The following PIK3R2 variants were observed in gnomAD, a reference collection of about 807,000 sequenced individuals.
PIK3R2 encodes the protein phosphoinositide-3-kinase regulatory subunit 2, also known as phosphatidylinositol 3-kinase regulatory subunit beta.
A neutral mutation model predicts 78.5 loss-of-function variants in PIK3R2; 40 were observed. That is an observed-to-expected ratio of 0.51 (90% CI 0.40 to 0.66). The LOEUF (loss-of-function observed/expected upper bound fraction) is 0.66. Ranked by LOEUF, PIK3R2 falls within the 30% of genes least tolerant of loss-of-function variation. PIK3R2 has a pLI of 0.00. For synonymous variants in PIK3R2, 473 were observed against 457.7 expected (o/e 1.03, Z -0.43); for missense variants, 880 against 1,026.6 (o/e 0.86, Z 1.95).
chr19:18,154,347 C>T (rs2043655634), intron 1 of PIK3R2, among the ~76,000 whole-genome samples: 2 of 152,248 alleles, frequency 1.3e-5, no homozygotes, highest in South Asian at 4.2e-4. Flanking sequence ...CCACCTTCTC[C>T]TGGCTCCCTG....
intron 3 of PIK3R2, 64 bp from the exon 4 acceptor site, chr19:18,160,855 G>A: frequency 6.4e-7 from 1 of 1,552,492 alleles, no homozygotes; most frequent in Non-Finnish European, 8.7e-7. Context: ...TGAGCGGCCA[G>A]TCCAGGCCTC....
rs2147952776 is a variant in PIK3R2 at position 18,162,964 on chromosome 19, C to T, written c.1110-3C>T. The stretch of plus-strand genomic sequence containing the variant: ...GGGTGCCGACACCCCTCTCCTCCCC[C>T]AGGAAAGGCGGGAACAATAAGCTGA... On this transcript the variant is annotated splice_region_variant and splice_polypyrimidine_tract_variant and intron_variant, in intron 9 of 15. Coordinates refer to ENST00000222254, the MANE Select transcript of PIK3R2 (RefSeq NM_005027.4). 1 of 1,612,640 alleles carries T rather than the reference C, an allele frequency of 6.2e-7. No homozygotes were observed. Among genetic ancestry groups the T allele is most frequent in the Middle Eastern group, 1.7e-4 (1 of 6,028 alleles).
rs1480617202 is a variant in PIK3R2 at position 18,168,388 on chromosome 19, G to A, written c.1737-87G>A. The A allele has an allele frequency of 1.4e-6, 1 of 725,596 alleles. No homozygotes were observed. Among genetic ancestry groups the A allele is most frequent in the African/African-American group, 1.7e-5 (1 of 57,902 alleles). 44.9% of individuals were successfully genotyped at this position (725,596 alleles called of 1,614,324 possible). Reference sequence around the variant, plus strand: ...TTGTACCCAGAACCCTCTCTCCTCAGCCAGACCCTGCCTCCCACCGGACAG... The same window carrying A: ...TTGTACCCAGAACCCTCTCTCCTCAACCAGACCCTGCCTCCCACCGGACAG... On this transcript the variant is annotated intron_variant, in intron 13 of 15. Coordinates refer to ENST00000222254, the MANE Select transcript of PIK3R2 (RefSeq NM_005027.4). This position sits in a 1 kb window ranked among gnomAD's most constrained non-coding sequence, Gnocchi z 4.1.
At position 18,162,202 on chromosome 19, in the gene PIK3R2, C is replaced by A; in HGVS notation, c.902C>A (p.Ala301Glu). ...HLEEQEVAPP[A>E]LPPKPPKAKP... is the part of the protein sequence containing the mutation. ...ATGCATTTGTTTTCCTGTCCCCCAG[C>A]GCTGCCGCCTAAACCCCCCAAGGCA... is the stretch of plus-strand genomic sequence containing the variant. The change falls in exon 8 of 16, where the codon GCG becomes GAG. Residue 301 changes from alanine (A) to glutamate (E), a missense_variant and splice_region_variant. By Grantham distance (107) the Ala-to-Glu change is moderately radical (BLOSUM62 -1). Transcript: ENST00000222254. The A allele has an allele frequency of 6.5e-7, 1 of 1,545,356 alleles. No homozygotes were observed. The highest frequency in any genetic ancestry group is 8.9e-7 in the Non-Finnish European group (1 of 1,120,284).
At chr19:18,165,423 A>G (rs2043799793) in intron 11 of PIK3R2, among the ~76,000 whole-genome samples, 2 of 151,456 alleles carry the variant, frequency 1.3e-5, no homozygotes, top group African/African-American at 4.9e-5. Flanking sequence ...AATACCAGCT[A>G]CTTGGAAGGC....
chr19:18,154,055 C>T (rs1013466167), intron 1 of PIK3R2, among the ~76,000 whole-genome samples: 1 of 152,174 alleles, frequency 6.6e-6, no homozygotes, highest in African/African-American at 2.4e-5. Flanking sequence ...AGCACCTATC[C>T]TTATAGCCAC....
intron 11 of PIK3R2, among the ~76,000 whole-genome samples, chr19:18,165,232 G>A (rs940340174): frequency 2.0e-5 from 3 of 151,820 alleles, no homozygotes; most frequent in African/African-American, 7.3e-5. Flanking sequence ...AGGCGTCATG[G>A]CATGCACCTG....
intron 10 of PIK3R2, 33 bp from the exon 11 acceptor site, chr19:18,163,230 T>C: frequency 1.2e-6 from 2 of 1,614,052 alleles, no homozygotes; most frequent in Non-Finnish European, 1.7e-6. Flanking sequence ...GACCAGGCTA[T>C]GCATCTCCCC....
intron 10 of PIK3R2, 47 bp downstream of exon 10, chr19:18,163,194 C>T (rs770525376): frequency 6.2e-7 from 1 of 1,613,610 alleles, no homozygotes; most frequent in Admixed American, 1.7e-5. Flanking sequence ...TGGCTGGCCC[C>T]AGGCCTCAGT....
In PIK3R2 at chr19:18,162,957, C is replaced by A. The variant is rs1599977480; in HGVS notation, c.1110-10C>A. The A allele has an allele frequency of 8.1e-6, 13 of 1,612,000 alleles. No homozygotes were observed. The highest frequency in any genetic ancestry group is 1.1e-5 in the Non-Finnish European group (13 of 1,178,604). ...TCCCACTGGGTGCCGACACCCCTCTCCTCCCCCAGGAAAGGCGGGAACAAT... is the reference window on the plus strand; with the variant it reads ...TCCCACTGGGTGCCGACACCCCTCTACTCCCCCAGGAAAGGCGGGAACAAT... On this transcript the variant is annotated splice_polypyrimidine_tract_variant and intron_variant, in intron 9 of 15. Transcript: ENST00000222254.
rs2043730331 is a variant in PIK3R2, at chr19:18,160,511, T to C, written c.363T>C (p.Pro121=). 1 of 1,613,886 alleles carries C rather than the reference T, an allele frequency of 6.2e-7. No homozygotes were observed. Among genetic ancestry groups the C allele is most frequent in the Non-Finnish European group, 8.5e-7 (1 of 1,179,860 alleles). ...ACTTGCCCGAGCAGTTCTCCCCACCTGATGTGGCTCCCCCTCTTCTGGTGA... is the reference window on the plus strand; with the variant it reads ...ACTTGCCCGAGCAGTTCTCCCCACCCGATGTGGCTCCCCCTCTTCTGGTGA... ...LPDLPEQFSP[P]DVAPPLLVKL... The change falls in exon 3 of 16, where the codon CCT becomes CCC. Residue 121 remains proline, a synonymous_variant. Transcript: ENST00000222254.
chr19:18,154,647 C>CT (rs1205674068), intron 1 of PIK3R2, among the ~76,000 whole-genome samples: 1 of 152,166 alleles, frequency 6.6e-6, no homozygotes, highest in African/African-American at 2.4e-5. Flanking sequence ...CACCTGGCTG[C>CT]TGCCCCCTCA....
At chr19:18,163,570 G>A (rs1301556449) in intron 11 of PIK3R2, among the ~76,000 whole-genome samples, 182 bp downstream of exon 11, 2 of 152,114 alleles carry the variant, frequency 1.3e-5, no homozygotes, top group African/African-American at 2.4e-5. Flanking sequence ...AGTGGCTCCC[G>A]TCTGTGTACT....
At position 18,167,053 on chromosome 19, in the gene PIK3R2, C is replaced by A; in HGVS notation, c.1560-77C>A. On this transcript the variant is annotated intron_variant, in intron 12 of 15. Transcript: ENST00000222254. This position sits in a 1 kb window ranked among gnomAD's most constrained non-coding sequence, Gnocchi z 4.5. ...CGGGAGGCTGAGGTAGGAGGGTCAC[C>A]TGAGCCCAGGAGTTTGAGGGTGCAG... The A allele has an allele frequency of 7.5e-7, 1 of 1,326,486 alleles. No individual in the cohort carries two copies. The highest frequency in any genetic ancestry group is 1.0e-6 in the Non-Finnish European group (1 of 996,948). The allele number at this position is 1,326,486 out of a possible 1,614,324, so 82.2% of individuals were successfully genotyped here.
chr19:18,155,835 C>T lies in PIK3R2; in HGVS notation c.-45C>T. Reference sequence around the variant, plus strand: ...TCAACCAATGGGGCCAGTGGGGCTCCAAGCAGCCACCTAACCATCCAGACC... The same window carrying T: ...TCAACCAATGGGGCCAGTGGGGCTCTAAGCAGCCACCTAACCATCCAGACC... On this transcript the variant is annotated 5_prime_UTR_variant, in exon 2 of 16. The change creates a premature stop within an existing upstream ORF in the 5' untranslated region. Transcript: ENST00000222254. 1 of 1,488,514 alleles carries T rather than the reference C, an allele frequency of 6.7e-7. No homozygotes were observed. The highest frequency in any genetic ancestry group is 2.6e-5 in the East Asian group (1 of 39,014). 92.2% of individuals were successfully genotyped at this position (1,488,514 alleles called of 1,614,324 possible).
chr19:18,159,585 G>T (rs1220179569), intron 2 of PIK3R2, among the ~76,000 whole-genome samples: 1 of 150,622 alleles, frequency 6.6e-6, no homozygotes, highest in Non-Finnish European at 1.5e-5. Context: ...GATTACAGGT[G>T]CGCACCACCA....
rs2147960529 is a variant in PIK3R2, at chr19:18,169,133, G to A, written c.2026G>A (p.Gly676Ser). 1.2e-6 allele frequency: 2 copies of A among 1,611,816 alleles called. No homozygotes were observed. Among genetic ancestry groups the A allele is most frequent in the Non-Finnish European group, 1.7e-6 (2 of 1,179,852 alleles). The change falls in exon 16 of 16, where the codon GGC becomes AGC. Residue 676 changes from glycine to serine, a missense_variant. By Grantham distance (56) the Gly-to-Ser change is moderately conservative. This residue lies in a region of PIK3R2 where 268 missense variants were observed against 299.1 expected (regional missense o/e 0.90). Coordinates refer to ENST00000222254, the MANE Select transcript of PIK3R2 (RefSeq NM_005027.4). Reference sequence around the variant, plus strand: ...CTGCGTCATCTACCGCACGGCCACCGGCTTCGGCTTCGCGGAGCCCTACAA... The same window carrying A: ...CTGCGTCATCTACCGCACGGCCACCAGCTTCGGCTTCGCGGAGCCCTACAA... ...KHCVIYRTAT[G>S]FGFAEPYNLY...
At chr19:18,160,805 G>C (rs2043733692) in intron 3 of PIK3R2, 114 bp from the exon 4 acceptor site, 5 of 1,098,964 alleles carry the variant, frequency 4.5e-6, no homozygotes, top group Non-Finnish European at 5.4e-6. Context: ...CCCCTCCCAT[G>C]CCCTTATCTC....
In PIK3R2 at chr19:18,155,871, C is replaced by CA; in HGVS notation, c.-8dup. The CA allele has an allele frequency of 3.3e-6, 5 of 1,536,604 alleles. No individual in the cohort carries two copies. The highest frequency in any genetic ancestry group is 1.4e-5 in the African/African-American group (1 of 71,818). On this transcript the variant is annotated 5_prime_UTR_variant, in exon 2 of 16. Transcript: ENST00000222254. ...CTAACCATCCAGACCCCACCCCACTCACGCGGCCATGGCGGGCCCTGAGGG... is the reference window on the plus strand; with the variant it reads ...CTAACCATCCAGACCCCACCCCACTCAACGCGGCCATGGCGGGCCCTGAGGG...
Sources: gnomAD v4.1 joint callset for allele counts (sites outside exome capture counted in the v4.1 genomes callset) on GRCh38, gnomAD v4.1.1 for gene constraint, gnomAD v4.1.1 regional missense constraint, Gnocchi (gnomAD v3.1) non-coding constraint, MANE v1.5 for transcripts, NCBI Gene and HGNC (gene_info 2026-07-23, HGNC 2026-07-21) for gene names.